Variants in NUP42 observed in about 807,000 individuals in gnomAD.
NUP42 encodes nucleoporin 42, also known as nucleoporin NUP42.
NUP42 carries 47 observed loss-of-function variants against 35.9 expected under a neutral mutation model. The ratio of observed to expected loss-of-function variants is 1.31; its 90% confidence interval spans 1.04 to 1.67. The LOEUF is 1.67. Ranked by LOEUF, NUP42 falls within the 40% of genes most tolerant of loss-of-function variation. The probability of loss-of-function intolerance (pLI) is 0.00; values close to 1 mark genes in which losing one functional copy is unlikely to be tolerated. For synonymous variants in NUP42, 173 were observed against 173.3 expected (o/e 1.00, Z 0.01); for missense variants, 514 against 492.2 (o/e 1.04, Z -0.42).
intron 3 of NUP42, chr7:23,187,935 T>G (rs1012550393): frequency 5.4e-5 from 26 of 479,150 alleles, no homozygotes; most frequent in Non-Finnish European, 5.8e-5. Flanking sequence ...GAATATTCTC[T>G]GTCTCTCTCT....
chr7:23,198,033 G>T lies in NUP42; in HGVS notation c.609+1267G>T, dbSNP rs1786076711. On this transcript the variant is annotated intron_variant, in intron 5 of 6. Coordinates refer to ENST00000258742, the MANE Select transcript of NUP42 (RefSeq NM_007342.3). The stretch of plus-strand genomic sequence containing the variant: ...GGAGGCTGAGGCAGGCGGATCACAA[G>T]GTCAGGAGTTTAAGACCAGCCTGAC... Among the ~76,000 whole-genome samples, 4 of 151,870 alleles carry T rather than the reference G, an allele frequency of 2.6e-5. No individual in the cohort carries two copies. In the South Asian group the frequency reaches 8.3e-4, roughly 32 times the overall value.
chr7:23,200,425 G>T lies in NUP42; in HGVS notation c.952G>T (p.Gly318Ter). 6.2e-7 allele frequency: 1 copy of T among 1,614,142 alleles called. No individual in the cohort carries two copies. Among genetic ancestry groups the T allele is most frequent in the Non-Finnish European group, 8.5e-7 (1 of 1,180,026 alleles). Residue 318 changes from glycine (G) to a stop codon, truncating the protein, a stop_gained, in exon 7 of 7, where the codon GGA becomes TGA. Transcript: ENST00000258742. LOFTEE classifies it low-confidence loss of function (END_TRUNC). ...ASSFGSPGFS[G>*]LPASLATGPV... Reference sequence around the variant, plus strand: ...CAGTTTTGGATCACCTGGATTTTCAGGACTTCCAGCTTCCTTGGCAACAGG... The same window carrying T: ...CAGTTTTGGATCACCTGGATTTTCATGACTTCCAGCTTCCTTGGCAACAGG...
chr7:23,186,969 C>A, intron 2 of NUP42, 83 bp from the exon 3 acceptor site: 1 of 898,824 alleles, frequency 1.1e-6, no homozygotes, highest in Non-Finnish European at 1.7e-6. Flanking sequence ...TTTAAATTTT[C>A]AGTTGTGGAA....
At chr7:23,195,793 A>T (rs762784751) in intron 3 of NUP42, 46 bp from the exon 4 acceptor site, 60 of 1,261,276 alleles carry the variant, frequency 4.8e-5, no homozygotes, top group Non-Finnish European at 6.5e-5. Context: ...TACTATCAAA[A>T]TTATTGGCAT....
At chr7:23,190,554 A>G (rs1261484658) in intron 3 of NUP42, among the ~76,000 whole-genome samples, 1 of 152,228 alleles carries the variant, frequency 6.6e-6, no homozygotes, top group African/African-American at 2.4e-5. Flanking sequence ...GTCCTTAATG[A>G]TTTTTAAGAA....
In NUP42 at chr7:23,192,974, C is replaced by A. The variant is rs1315931151; in HGVS notation, c.446-2865C>A. Among the ~76,000 whole-genome samples, 4 of 152,052 alleles carry A rather than the reference C, an allele frequency of 2.6e-5. No individual in the cohort carries two copies. The East Asian group carries it at 7.7e-4, about 29-fold the overall frequency. ...TCCGGAGTTTGTTCCTTCTGATGTT[C>A]AGATGTGTTCGGAGTTTATTCCTTC... On this transcript the variant is annotated intron_variant, in intron 3 of 6. Transcript: ENST00000258742.
rs989185325 is a variant in NUP42, at chr7:23,185,110, T to C, written c.162T>C (p.Tyr54=). The change falls in exon 2 of 7, where the codon TAT becomes TAC. Residue 54 remains tyrosine (Y), a synonymous_variant. Coordinates refer to ENST00000258742, the MANE Select transcript of NUP42 (RefSeq NM_007342.3). ...RRGWNTTSQR[Y]SNVIQPSSFS... ...GATGGAATACAACTAGCCAGAGATATTCCAATGTCATCCAGCCATCCAGTT... is the reference window on the plus strand; with the variant it reads ...GATGGAATACAACTAGCCAGAGATACTCCAATGTCATCCAGCCATCCAGTT... The C allele has an allele frequency of 3.1e-6, 5 of 1,614,050 alleles. No homozygotes were observed. Among genetic ancestry groups the C allele is most frequent in the East Asian group, 2.2e-5 (1 of 44,896 alleles).
intron 3 of NUP42, among the ~76,000 whole-genome samples, chr7:23,189,373 G>C (rs935180291): frequency 1.3e-5 from 2 of 152,224 alleles, no homozygotes; most frequent in African/African-American, 4.8e-5. Flanking sequence ...CCAGTGCTTT[G>C]GGAGGCTGCG....
intron 5 of NUP42, among the ~76,000 whole-genome samples, chr7:23,197,678 CT>C (rs58051761): frequency 0.09 from 13,766 of 152,168 alleles, 972 homozygotes; most frequent in African/African-American, 0.19. Flanking sequence ...CCCAGGGCCC[CT>C]TCCATAGGTT....
chr7:23,193,704 A>G (rs2529002), intron 3 of NUP42, among the ~76,000 whole-genome samples: 13,518 of 152,006 alleles, frequency 0.089, 949 homozygotes, highest in African/African-American at 0.18. Context: ...AGGTGGAGCT[A>G]CCCGCCAGTC....
rs527238133 is a variant in NUP42, at chr7:23,188,224, G to A, written c.445+1078G>A. 1,930 of 1,251,680 alleles carry A rather than the reference G, an allele frequency of 1.5e-3. 11 individuals are homozygous for A. The highest frequency in any genetic ancestry group is 0.01 in the Middle Eastern group (33 of 3,232). The allele number at this position is 1,251,680 out of a possible 1,614,324, so 77.5% of individuals were successfully genotyped here. A position where few individuals can be genotyped will look rare whatever the true frequency, so the allele number is the denominator to read the frequency against. On this transcript the variant is annotated intron_variant, in intron 3 of 6. Transcript: ENST00000258742. ...AGTTGCTCATTTTCTGTGAGCATTT[G>A]CATTACAACGCTTCTTATTTATTCA...
chr7:23,192,384 A>C (rs976375227), intron 3 of NUP42, among the ~76,000 whole-genome samples: 6 of 152,062 alleles, frequency 3.9e-5, no homozygotes, highest in African/African-American at 1.4e-4. Context: ...TCTCTACTAA[A>C]AATACAAAAA....
intron 3 of NUP42, 173 bp downstream of exon 3, chr7:23,187,319 T>C (rs1785627131): frequency 1.9e-6 from 1 of 528,508 alleles, no homozygotes; most frequent in Non-Finnish European, 3.3e-6. Flanking sequence ...GAGATTAAGG[T>C]TGGAGAATAT....
rs547355569 is a variant in NUP42 at position 23,190,214 on chromosome 7, T to C, written c.445+3068T>C. 6.6e-5 allele frequency among the ~76,000 whole-genome samples: 10 copies of C among 152,358 alleles called. No homozygotes were observed. The South Asian group carries it at 2.1e-3, about 32-fold the overall frequency. On this transcript the variant is annotated intron_variant, in intron 3 of 6. Coordinates refer to ENST00000258742, the MANE Select transcript of NUP42 (RefSeq NM_007342.3). ...CAGTTATTTGAAAAAGCCATTTAAGTCTTCCTTTTCCAATACGTGTCTGTG... is the reference window on the plus strand; with the variant it reads ...CAGTTATTTGAAAAAGCCATTTAAGCCTTCCTTTTCCAATACGTGTCTGTG...
At chr7:23,195,513 T>C (rs1785982361) in intron 3 of NUP42, 1 of 188,496 alleles carries the variant, frequency 5.3e-6, no homozygotes, top group Admixed American at 6.2e-5. Flanking sequence ...TGCCTTGTAA[T>C]TTTGCTTAGT....
chr7:23,186,318 C>T (rs1472418908), intron 2 of NUP42, among the ~76,000 whole-genome samples: 1 of 152,030 alleles, frequency 6.6e-6, no homozygotes, highest in Non-Finnish European at 1.5e-5. Flanking sequence ...CATATACAAC[C>T]GATTTTTTTT....
chr7:23,193,000 T>G (rs571594299), intron 3 of NUP42, among the ~76,000 whole-genome samples: 59 of 152,256 alleles, frequency 3.9e-4, no homozygotes, highest in African/African-American at 1.3e-3. Flanking sequence ...TTATTCCTTC[T>G]GGTGGGGTCC....
intron 5 of NUP42, among the ~76,000 whole-genome samples, chr7:23,199,237 G>T (rs1786121512): frequency 6.6e-6 from 1 of 152,000 alleles, no homozygotes; most frequent in African/African-American, 2.4e-5. Context: ...TTTTTATAGA[G>T]ATGGGGGTCT....
intron 3 of NUP42, among the ~76,000 whole-genome samples, chr7:23,192,546 CA>C (rs200047613): frequency 2.1e-3 from 140 of 65,316 alleles, no homozygotes; most frequent in Middle Eastern, 9.8e-3. Flanking sequence ...GACTTCATCT[CA>C]AAAAAAAAAA....
Sources: gnomAD v4.1 joint callset for allele counts (sites outside exome capture counted in the v4.1 genomes callset) on GRCh38, gnomAD v4.1.1 for gene constraint, MANE v1.5 for transcripts, NCBI Gene and HGNC (gene_info 2026-07-23, HGNC 2026-07-21) for gene names.